ADH7: variants seen among roughly 807,000 people sequenced by gnomAD.
ADH7 encodes the protein alcohol dehydrogenase 7 (class IV), mu or sigma polypeptide, also known as all-trans-retinol dehydrogenase [NAD(+)] ADH7.
ADH7 carries 41 observed loss-of-function variants against 34.4 expected under a neutral mutation model. The ratio of observed to expected loss-of-function variants is 1.19; its 90% confidence interval spans 0.93 to 1.55. The LOEUF is 1.55. ADH7 is among the 40% of genes most tolerant of loss of function. The pLI, the probability that ADH7 is intolerant of heterozygous loss-of-function variation, is 0.00. For synonymous variants in ADH7, 180 were observed against 160.9 expected (o/e 1.12, Z -0.90); for missense variants, 540 against 461.2 (o/e 1.17, Z -1.56).
At position 99,429,523 on chromosome 4, in the gene ADH7, C is replaced by T; in HGVS notation, c.120+9G>A. ...CTTTTGGCTTAAGTTCTCTAGGGCT[C>T]ACGCTTACCTTAATGCGAACTTCTT... On this transcript the variant is annotated intron_variant, in intron 2 of 8. Coordinates refer to ENST00000437033, the MANE Select transcript of ADH7 (RefSeq NM_000673.7). The T allele has an allele frequency of 6.2e-7, 1 of 1,602,238 alleles. No individual in the cohort carries two copies. The highest frequency in any genetic ancestry group is 8.5e-7 in the Non-Finnish European group (1 of 1,171,492).
chr4:99,435,164 A>G, intron 1 of ADH7, 52 bp downstream of exon 1: 1 of 1,599,236 alleles, frequency 6.3e-7, no homozygotes, highest in Non-Finnish European at 8.5e-7. Context: ...TCTAAGTATC[A>G]GCCTCACATC....
intron 6 of ADH7, among the ~76,000 whole-genome samples, chr4:99,419,841 C>T (rs888072818): frequency 1.3e-5 from 2 of 152,134 alleles, no homozygotes; most frequent in Non-Finnish European, 2.9e-5. Flanking sequence ...ACTATTTATT[C>T]TTAAATTACC....
chr4:99,430,066 G>A (rs969180651), intron 1 of ADH7: 2 of 153,610 alleles, frequency 1.3e-5, no homozygotes, highest in African/African-American at 4.8e-5. Flanking sequence ...TGACTTGTCT[G>A]TAAGAATTTA....
rs3805331 is a variant in ADH7 at position 99,412,775 on chromosome 4, A to G, written c.*373T>C. On this transcript the variant is annotated 3_prime_UTR_variant, in exon 9 of 9. Coordinates refer to ENST00000437033, the MANE Select transcript of ADH7 (RefSeq NM_000673.7). ...CAATGTGTTAAGTGAATATTACTCTAGGAGATGCATTTACTATATCTTTAT... is the reference window on the plus strand; with the variant it reads ...CAATGTGTTAAGTGAATATTACTCTGGGAGATGCATTTACTATATCTTTAT... The G allele has an allele frequency of 0.062, 10,690 of 173,784 alleles. 347 individuals are homozygous for G. The highest frequency in any genetic ancestry group is 0.097 in the South Asian group (521 of 5,358). The allele number at this position is 173,784 out of a possible 1,614,324, so 10.8% of individuals were successfully genotyped here. A position where few individuals can be genotyped will look rare whatever the true frequency, so the allele number is the denominator to read the frequency against.
At chr4:99,430,498 T>C (rs1372137022) in intron 1 of ADH7, among the ~76,000 whole-genome samples, 1 of 152,220 alleles carries the variant, frequency 6.6e-6, no homozygotes, top group Non-Finnish European at 1.5e-5. Context: ...TATAAAATAT[T>C]TTAATTAATT....
At position 99,425,799 on chromosome 4, in the gene ADH7, A is replaced by G. The variant is rs550602252; in HGVS notation, c.564+1974T>C. 1.2e-3 allele frequency among the ~76,000 whole-genome samples: 177 copies of G among 152,250 alleles called. 1 individual carries two copies. The highest frequency in any genetic ancestry group is 2.3e-3 in the Non-Finnish European group (154 of 68,020). ...CCACACCTATTCCAAAATTGACCAC[A>G]TAGTTGGAAGTAAAGCTCTCCTCAG... is the stretch of plus-strand genomic sequence containing the variant. On this transcript the variant is annotated intron_variant, in intron 5 of 8. Coordinates refer to ENST00000437033, the MANE Select transcript of ADH7 (RefSeq NM_000673.7).
chr4:99,427,150 C>T (rs991758680), intron 5 of ADH7, among the ~76,000 whole-genome samples: 1 of 152,096 alleles, frequency 6.6e-6, no homozygotes, highest in African/African-American at 2.4e-5. Context: ...TCCAGGGATC[C>T]TATCTAACAT....
rs147273200 is a variant in ADH7, at chr4:99,413,750, A to G, written c.1101-578T>C. On this transcript the variant is annotated intron_variant, in intron 8 of 8. Coordinates refer to ENST00000437033, the MANE Select transcript of ADH7 (RefSeq NM_000673.7). Reference sequence around the variant, plus strand: ...AACCTATTATCTCACTACCATGTCCATGTCAGAAATGATTAGACTGAATTA... The same window carrying G: ...AACCTATTATCTCACTACCATGTCCGTGTCAGAAATGATTAGACTGAATTA... 3.0e-3 allele frequency among the ~76,000 whole-genome samples: 460 copies of G among 152,316 alleles called. 1 individual carries two copies. Among genetic ancestry groups the G allele is most frequent in the African/African-American group, 0.01 (433 of 41,582 alleles).
In ADH7 at chr4:99,433,128, T is replaced by G. The variant is rs146772892; in HGVS notation, c.18+2088A>C. ...AAGGATGTTGTGGCATGTTTACCCA[T>G]GTAATTCCATTTTTAAAGGCTACCT... On this transcript the variant is annotated intron_variant, in intron 1 of 8. Transcript: ENST00000437033. 1.2e-3 allele frequency among the ~76,000 whole-genome samples: 182 copies of G among 152,298 alleles called. 1 individual carries two copies. Among genetic ancestry groups the G allele is most frequent in the Admixed American group, 2.1e-3 (32 of 15,282 alleles).
At chr4:99,430,808 AT>A (rs200139906) in intron 1 of ADH7, among the ~76,000 whole-genome samples, 144 of 151,088 alleles carry the variant, frequency 9.5e-4, no homozygotes, top group Non-Finnish European at 1.3e-3. Context: ...TTTTTTTATT[AT>A]TTTTTTTTAG....
chr4:99,428,092 C>T lies in ADH7; in HGVS notation c.342G>A (p.Arg114=). ...TAAAAATGACTGAAACCTACTCGCTCCTAATGCAAAGGTTGCCATCTGGGT... is the reference window on the plus strand; with the variant it reads ...TAAAAATGACTGAAACCTACTCGCTTCTAATGCAAAGGTTGCCATCTGGGT... ...CRNPDGNLCI[R]SDITGRGVLA... is the part of the protein sequence containing the mutation. The change falls in exon 4 of 9, where the codon AGG becomes AGA. Residue 114 remains arginine, a synonymous_variant. Transcript: ENST00000437033. 2 of 1,613,932 alleles carry T rather than the reference C, an allele frequency of 1.2e-6. No homozygotes were observed. The highest frequency in any genetic ancestry group is 1.3e-5 in the African/African-American group (1 of 75,030).
chr4:99,420,285 T>G (rs1373237061), intron 6 of ADH7, among the ~76,000 whole-genome samples: 1 of 152,208 alleles, frequency 6.6e-6, no homozygotes. Context: ...AAGGGTTGAC[T>G]ACCTTGCCAT....
chr4:99,427,912 T>C lies in ADH7; in HGVS notation c.425A>G (p.Asn142Ser). ...CKGKPVHHFM[N>S]TSTFTEYTVV... is the part of the protein sequence containing the mutation. Reference sequence around the variant, plus strand: ...TGTGTACTCGGTAAATGTACTGGTGTTCATGAAGTGGTGGACTGGTTTGCC... The same window carrying C: ...TGTGTACTCGGTAAATGTACTGGTGCTCATGAAGTGGTGGACTGGTTTGCC... Residue 142 changes from asparagine (N) to serine (S), a missense_variant, in exon 5 of 9, where the codon AAC becomes AGC. Coordinates refer to ENST00000437033, the MANE Select transcript of ADH7 (RefSeq NM_000673.7). The C allele has an allele frequency of 6.2e-7, 1 of 1,614,046 alleles. No individual in the cohort carries two copies. The highest frequency in any genetic ancestry group is 8.5e-7 in the Non-Finnish European group (1 of 1,179,956).
intron 1 of ADH7, among the ~76,000 whole-genome samples, chr4:99,431,249 G>A (rs930865664): frequency 4.6e-5 from 7 of 152,122 alleles, no homozygotes; most frequent in African/African-American, 1.7e-4. Context: ...TTAATAAATG[G>A]TGCTGAGGTA....
In ADH7 at chr4:99,428,142, A is replaced by G. The variant is rs376655249; in HGVS notation, c.292T>C (p.Cys98Arg). 10 of 1,613,956 alleles carry G rather than the reference A, an allele frequency of 6.2e-6. No individual in the cohort carries two copies. The East Asian group carries it at 2.2e-4, about 36-fold the overall frequency. ...DKVIPLFLPQ[C>R]RECNACRNPD... is the part of the protein sequence containing the mutation. ...TTGCGACAAGCATTGCATTCTCTAC[A>G]TTGTGGCAGAAAGAGAGGGATGACT... Residue 98 changes from cysteine to arginine, a missense_variant, in exon 4 of 9, where the codon TGT becomes CGT. Coordinates refer to ENST00000437033, the MANE Select transcript of ADH7 (RefSeq NM_000673.7).
chr4:99,430,201 G>A (rs1721909453), intron 1 of ADH7: 1 of 152,224 alleles, frequency 6.6e-6, no homozygotes, highest in South Asian at 2.1e-4. Context: ...TGAGTTCCTG[G>A]ATGATTGAAT....
rs1721587752 is a variant in ADH7 at position 99,419,077 on chromosome 4, C to T, written c.870G>A (p.Val290=). 6 of 1,613,708 alleles carry T rather than the reference C, an allele frequency of 3.7e-6. No homozygotes were observed. Among genetic ancestry groups the T allele is most frequent in the Non-Finnish European group, 5.1e-6 (6 of 1,179,856 alleles). The change falls in exon 7 of 9, where the codon GTG becomes GTA. Residue 290 remains valine (V), a synonymous_variant. Transcript: ENST00000437033. ...ASCHMNYGTS[V]VVGVPPSAKM... is the part of the protein sequence containing the mutation. ...TGGCTGATGGAGGAACTCCTACAAC[C>T]ACGCTGGTCCCATAGTTCATGTGGC...
At chr4:99,427,534 T>G (rs923075905) in intron 5 of ADH7, among the ~76,000 whole-genome samples, 2 of 152,168 alleles carry the variant, frequency 1.3e-5, no homozygotes, top group Non-Finnish European at 2.9e-5. Context: ...GATGGAGAAA[T>G]GATGCAGTTT....
chr4:99,428,922 C>G (rs767200995), intron 2 of ADH7, among the ~76,000 whole-genome samples: 2 of 152,018 alleles, frequency 1.3e-5, no homozygotes, highest in South Asian at 4.1e-4. Flanking sequence ...ATGTGATGGC[C>G]CCAAAGTAGA....
Sources: gnomAD v4.1 joint callset for allele counts (sites outside exome capture counted in the v4.1 genomes callset) on GRCh38, gnomAD v4.1.1 for gene constraint, MANE v1.5 for transcripts, NCBI Gene and HGNC (gene_info 2026-07-23, HGNC 2026-07-21) for gene names.